BBS9: variants seen among roughly 807,000 people sequenced by gnomAD.
The protein encoded by BBS9 is protein PTHB1.
Under a neutral mutation model 117.7 loss-of-function variants are expected in BBS9, and 89 were observed. That is an observed-to-expected ratio of 0.76 (90% confidence interval 0.64 to 0.90). The LOEUF (loss-of-function observed/expected upper bound fraction) is 0.90, where lower values mean the gene tolerates loss of function less well. BBS9 is among the 40% of genes least tolerant of loss of function. BBS9 has a pLI of 0.00. For missense variants in BBS9, 982 were observed against 1,042.2 expected, an observed-to-expected ratio of 0.94 and a Z score of 0.80; for synonymous variants, 379 against 370.9, an observed-to-expected ratio of 1.02 and a Z score of -0.25.
chr7:33,294,701 T>G (rs1434538876), intron 9 of BBS9, among the ~76,000 whole-genome samples: 1 of 152,246 alleles, frequency 6.6e-6, no homozygotes, highest in Non-Finnish European at 1.5e-5. Flanking sequence ...TTAAAAAGTC[T>G]AAACATGATA....
intron 21 of BBS9, among the ~76,000 whole-genome samples, chr7:33,548,617 G>A (rs1853823754): frequency 1.3e-5 from 2 of 150,848 alleles, no homozygotes; most frequent in South Asian, 2.1e-4. Context: ...TTGTTCTTGC[G>A]ATAGTTTACC....
chr7:33,144,935 AC>A (rs1286331696), intron 1 of BBS9, among the ~76,000 whole-genome samples: 1 of 152,246 alleles, frequency 6.6e-6, no homozygotes, highest in Non-Finnish European at 1.5e-5. Flanking sequence ...AAGCATCTGT[AC>A]ATGAAATTAG....
intron 9 of BBS9, among the ~76,000 whole-genome samples, chr7:33,329,953 G>C (rs533513992): frequency 4.0e-4 from 61 of 151,724 alleles, no homozygotes; most frequent in Admixed American, 2.6e-4. Flanking sequence ...TTTTTCTGTT[G>C]GGTATAGTAT....
intron 21 of BBS9, among the ~76,000 whole-genome samples, chr7:33,562,326 G>C (rs1856214326): frequency 6.6e-6 from 1 of 152,156 alleles, no homozygotes; most frequent in Non-Finnish European, 1.5e-5. Flanking sequence ...TCCTTAAGGA[G>C]ATATTTCTTT....
intron 19 of BBS9, among the ~76,000 whole-genome samples, chr7:33,482,787 A>G (rs1447062039): frequency 6.6e-6 from 1 of 152,148 alleles, no homozygotes. Context: ...TTTTCAGAGG[A>G]AAGGTCCTCC....
intron 9 of BBS9, among the ~76,000 whole-genome samples, chr7:33,316,507 C>T (rs1562984687): frequency 6.6e-6 from 1 of 152,144 alleles, no homozygotes; most frequent in Non-Finnish European, 1.5e-5. Flanking sequence ...ATTTTACATT[C>T]CTACTAGTGA....
chr7:33,610,657 C>T (rs1864810481), downstream of BBS9, among the ~76,000 whole-genome samples: 2 of 152,202 alleles, frequency 1.3e-5, no homozygotes, highest in South Asian at 4.1e-4. Context: ...ACTGTTTCGA[C>T]ACGACTTTTG....
At chr7:33,474,493 C>T (rs1162575662) in intron 19 of BBS9, among the ~76,000 whole-genome samples, 2 of 152,134 alleles carry the variant, frequency 1.3e-5, no homozygotes, top group Admixed American at 6.5e-5. Flanking sequence ...TTCCATGTCT[C>T]ACTTTTCTTA....
intron 21 of BBS9, among the ~76,000 whole-genome samples, chr7:33,592,092 T>C (rs1862018548): frequency 6.6e-6 from 1 of 152,148 alleles, no homozygotes; most frequent in Non-Finnish European, 1.5e-5. Context: ...TACTCCATCC[T>C]CAACTTTTTT....
intron 4 of BBS9, among the ~76,000 whole-genome samples, chr7:33,169,623 C>G (rs1322338670): frequency 3.3e-5 from 5 of 150,118 alleles, no homozygotes; most frequent in African/African-American, 1.2e-4. Flanking sequence ...TGAGAAGTGT[C>G]TGTTCATGTC....
At chr7:33,600,891 C>T (rs1451654783) in intron 21 of BBS9, among the ~76,000 whole-genome samples, 3 of 152,284 alleles carry the variant, frequency 2.0e-5, no homozygotes, top group East Asian at 1.9e-4. Context: ...CTCTCAGTTC[C>T]GTCTCTTCAG....
At chr7:33,474,730 G>A (rs919881101) in intron 19 of BBS9, among the ~76,000 whole-genome samples, 1 of 152,110 alleles carries the variant, frequency 6.6e-6, no homozygotes, top group Non-Finnish European at 1.5e-5. Context: ...GGTGGTTCAC[G>A]AGGTCAGAAG....
chr7:33,390,777 C>T lies in BBS9; in HGVS notation c.2115+2633C>T, dbSNP rs571015257. ...TCATCTGCTCAGAAATGTAATCATT[C>T]TTACTGTTTTTGTTTCTTTCCACAC... is the stretch of plus-strand genomic sequence containing the variant. On this transcript the variant is annotated intron_variant, in intron 19 of 22. Transcript: ENST00000242067. 7.8e-5 allele frequency: 21 copies of T among 269,744 alleles called. No homozygotes were observed. In the South Asian group the frequency reaches 2.9e-3, roughly 38 times the overall value. 16.7% of individuals were successfully genotyped at this position (269,744 alleles called of 1,614,324 possible).
intron 19 of BBS9, among the ~76,000 whole-genome samples, chr7:33,436,776 G>A (rs1835366178): frequency 6.6e-6 from 1 of 152,206 alleles, no homozygotes; most frequent in Non-Finnish European, 1.5e-5. Flanking sequence ...AAGGGGACGT[G>A]TCTTCTTCAC....
chr7:33,335,235 T>C (rs911499267), intron 9 of BBS9, among the ~76,000 whole-genome samples: 15 of 152,224 alleles, frequency 9.9e-5, no homozygotes, highest in African/African-American at 3.6e-4. Context: ...ACAATTTTTC[T>C]ATTTTTGTTT....
chr7:33,566,619 C>G (rs1335438994), intron 21 of BBS9, among the ~76,000 whole-genome samples: 1 of 151,882 alleles, frequency 6.6e-6, no homozygotes, highest in Non-Finnish European at 1.5e-5. Flanking sequence ...AATTTAAATG[C>G]CTGTTTTCTA....
intron 19 of BBS9, 60 bp downstream of exon 19, chr7:33,388,204 G>A (rs1826388605): frequency 6.4e-7 from 1 of 1,566,316 alleles, no homozygotes; most frequent in African/African-American, 1.4e-5. Context: ...TGTCACCCTA[G>A]AGTCATGTAC....
chr7:33,595,916 C>G (rs1316762746), intron 21 of BBS9, among the ~76,000 whole-genome samples: 5 of 151,940 alleles, frequency 3.3e-5, no homozygotes, highest in Non-Finnish European at 7.4e-5. Context: ...GAAACTAACA[C>G]AGGAACAGAA....
chr7:33,501,818 G>A (rs925704990), intron 19 of BBS9, among the ~76,000 whole-genome samples: 3 of 152,168 alleles, frequency 2.0e-5, no homozygotes, highest in Non-Finnish European at 4.4e-5. Context: ...TTAAGTGAAT[G>A]CTTTCACTGT....
Sources: gnomAD v4.1 joint callset for allele counts (sites outside exome capture counted in the v4.1 genomes callset) on GRCh38, gnomAD v4.1.1 for gene constraint, MANE v1.5 for transcripts, NCBI Gene and HGNC (gene_info 2026-07-23, HGNC 2026-07-21) for gene names.